Variants in NRXN1 observed in about 807,000 individuals in gnomAD.
The protein encoded by NRXN1 is neurexin 1, also known as neurexin-1.
Under a neutral mutation model 150.9 loss-of-function variants are expected in NRXN1, and 39 were observed. That is an observed-to-expected ratio of 0.26 (90% CI 0.20 to 0.34). The LOEUF (loss-of-function observed/expected upper bound fraction) is 0.34, where lower values mean the gene tolerates loss of function less well. Among genes scored for constraint, NRXN1 ranks in the 10% least tolerant of loss-of-function variants. NRXN1 has a pLI of 1.00. For missense variants in NRXN1, 1,815 were observed against 1,949.9 expected (o/e 0.93, Z 1.30); for synonymous variants, 924 against 757.0 (o/e 1.22, Z -3.62).
intron 17 of NRXN1, among the ~76,000 whole-genome samples, chr2:50,291,421 G>A (rs2072912116): frequency 6.6e-6 from 1 of 152,138 alleles, no homozygotes; most frequent in South Asian, 2.1e-4. Context: ...GGCCAGATTT[G>A]TAAGAATATG....
intron 5 of NRXN1, chr2:50,656,203 C>T (rs1186073442): frequency 3.8e-6 from 2 of 532,366 alleles, no homozygotes; most frequent in Non-Finnish European, 6.9e-6. Context: ...TGCCCCCAAA[C>T]ACACAAAAGC....
chr2:50,936,011 C>T (rs1043321777), intron 2 of NRXN1, among the ~76,000 whole-genome samples: 10 of 152,098 alleles, frequency 6.6e-5, no homozygotes, highest in African/African-American at 2.4e-4. Flanking sequence ...GACATCAAAT[C>T]TCTATTGATA....
intron 21 of NRXN1, among the ~76,000 whole-genome samples, chr2:49,944,759 C>T (rs1296726921): frequency 5.9e-5 from 9 of 151,622 alleles, no homozygotes; most frequent in African/African-American, 2.2e-4. Context: ...AAAAATATCT[C>T]ATTACATCTA....
At chr2:50,502,195 GAAGGAAGA>G (rs1438344189) in intron 13 of NRXN1, among the ~76,000 whole-genome samples, 1 of 150,140 alleles carries the variant, frequency 6.7e-6, no homozygotes, top group African/African-American at 2.5e-5. Flanking sequence ...GAAGAAGAAG[GAAGGAAGA>G]AAGGAAGAAA....
chr2:49,933,813 T>C (rs149531355), intron 22 of NRXN1, among the ~76,000 whole-genome samples: 56 of 152,294 alleles, frequency 3.7e-4, no homozygotes, highest in African/African-American at 1.1e-3. Context: ...CCAACAATTA[T>C]ACAGTTTTGC....
chr2:50,064,984 A>G (rs895663862), intron 19 of NRXN1, among the ~76,000 whole-genome samples: 1 of 152,158 alleles, frequency 6.6e-6, no homozygotes, highest in East Asian at 1.9e-4. Context: ...CACTACCAGA[A>G]TCAAAGGATG....
At position 50,564,416 on chromosome 2, in the gene NRXN1, T is replaced by A. The variant is rs139878552; in HGVS notation, c.1321-11391A>T. Among the ~76,000 whole-genome samples the A allele has an allele frequency of 3.5e-3, 534 of 152,304 alleles. 3 individuals are homozygous for A. The highest frequency in any genetic ancestry group is 0.012 in the African/African-American group (508 of 41,558). ...TCTGTAAAGTAATCACACTCAAATC[T>A]TGATGTTGACAAAAATACTTCTCAA... On this transcript the variant is annotated intron_variant, in intron 8 of 22. Coordinates refer to ENST00000401669, the MANE Select transcript of NRXN1 (RefSeq NM_001330078.2).
At chr2:49,943,075 A>G (rs1672288573) in intron 22 of NRXN1, among the ~76,000 whole-genome samples, 1 of 152,208 alleles carries the variant, frequency 6.6e-6, no homozygotes. Flanking sequence ...TAATGGTATA[A>G]GGGCTGTATG....
chr2:50,348,498 G>T (rs919347647), intron 17 of NRXN1, among the ~76,000 whole-genome samples: 1 of 152,196 alleles, frequency 6.6e-6, no homozygotes, highest in Admixed American at 6.5e-5. Flanking sequence ...CCGCTGTGAT[G>T]ATCTTTGCTA....
chr2:50,806,550 C>T (rs1667534190), intron 5 of NRXN1, among the ~76,000 whole-genome samples: 1 of 152,106 alleles, frequency 6.6e-6, no homozygotes, highest in Admixed American at 6.6e-5. Context: ...AACAGATAAA[C>T]ACTAAAAATT....
intron 5 of NRXN1, among the ~76,000 whole-genome samples, chr2:50,822,236 T>C (rs958181632): frequency 6.6e-6 from 1 of 152,130 alleles, no homozygotes; most frequent in Admixed American, 6.6e-5. Context: ...TTAAAATAAA[T>C]ATAGCTTTCC....
At chr2:50,026,852 T>C (rs1486428456) in intron 21 of NRXN1, among the ~76,000 whole-genome samples, 1 of 140,810 alleles carries the variant, frequency 7.1e-6, no homozygotes, top group South Asian at 2.3e-4. Context: ...TTTAAGTCTT[T>C]TCTTTTCTTT....
At chr2:51,004,031 T>G (rs987719733) in intron 2 of NRXN1, among the ~76,000 whole-genome samples, 5 of 151,684 alleles carry the variant, frequency 3.3e-5, no homozygotes, top group African/African-American at 1.2e-4. Context: ...TCCTGTTTTT[T>G]GTTATTGTTG....
intron 2 of NRXN1, among the ~76,000 whole-genome samples, chr2:51,003,758 G>C (rs547415285): frequency 6.6e-6 from 1 of 152,034 alleles, no homozygotes; most frequent in East Asian, 2.0e-4. Flanking sequence ...AAAGGAGAGG[G>C]GGAGGAAGGA....
chr2:50,600,189 A>C (rs1407259181), intron 8 of NRXN1, among the ~76,000 whole-genome samples: 1 of 152,138 alleles, frequency 6.6e-6, no homozygotes, highest in Non-Finnish European at 1.5e-5. Flanking sequence ...ATAATTTCTT[A>C]ATTAGAGTTC....
chr2:50,884,841 C>G (rs986749707), intron 5 of NRXN1, among the ~76,000 whole-genome samples: 1 of 151,112 alleles, frequency 6.6e-6, no homozygotes, highest in African/African-American at 2.4e-5. Context: ...AAATAAAATA[C>G]AAACTTTTTT....
chr2:50,273,605 A>C (rs1436048457), intron 17 of NRXN1, among the ~76,000 whole-genome samples: 1 of 152,138 alleles, frequency 6.6e-6, no homozygotes, highest in Non-Finnish European at 1.5e-5. Context: ...TATTTAAAAT[A>C]ACAATAGAAT....
chr2:50,027,075 G>A (rs1688452138), intron 21 of NRXN1, among the ~76,000 whole-genome samples: 2 of 150,892 alleles, frequency 1.3e-5, no homozygotes, highest in South Asian at 2.1e-4. Context: ...GTAGAGACGG[G>A]GTTTCACCAT....
intron 21 of NRXN1, among the ~76,000 whole-genome samples, chr2:50,020,086 A>G (rs952389782): frequency 6.6e-6 from 1 of 151,628 alleles, no homozygotes; most frequent in Non-Finnish European, 1.5e-5. Context: ...GTGTATTTGT[A>G]TACATTCATT....
Sources: allele counts gnomAD v4.1 joint callset (sites outside exome capture counted in the v4.1 genomes callset), GRCh38; gene constraint gnomAD v4.1.1; transcripts MANE v1.5; gene names NCBI Gene and HGNC (gene_info 2026-07-23, HGNC 2026-07-21).